AFF1: variants seen among roughly 807,000 people sequenced by gnomAD.
The protein encoded by AFF1 is ALF transcription elongation factor 1, also known as AF4/FMR2 family member 1.
A neutral mutation model predicts 121.7 loss-of-function variants in AFF1; 48 were observed. That is an observed-to-expected ratio of 0.39 (90% CI 0.31 to 0.50). The LOEUF is 0.50. Among genes scored for constraint, AFF1 ranks in the 20% least tolerant of loss-of-function variants. The pLI is 0.76. For missense variants in AFF1, 1,523 were observed against 1,511.7 expected, an observed-to-expected ratio of 1.01 and a Z score of -0.12; for synonymous variants, 613 against 563.0, an observed-to-expected ratio of 1.09 and a Z score of -1.26.
chr4:87,051,415 CTTTTTTT>C (rs5860052), intron 4 of AFF1, among the ~76,000 whole-genome samples: 1 of 141,726 alleles, frequency 7.1e-6, no homozygotes, highest in Non-Finnish European at 1.5e-5. Context: ...TTTCCTTTTT[CTTTTTTT>C]TTTTTTTAAC....
intron 1 of AFF1, among the ~76,000 whole-genome samples, chr4:86,938,056 T>C (rs1458816267): frequency 2.6e-5 from 4 of 152,248 alleles, no homozygotes; most frequent in Non-Finnish European, 1.5e-5. Context: ...TGTTCAACTC[T>C]GTAATTTGTG....
At chr4:86,982,004 A>G (rs926842810) in intron 2 of AFF1, among the ~76,000 whole-genome samples, 1 of 152,242 alleles carries the variant, frequency 6.6e-6, no homozygotes, top group Admixed American at 6.5e-5. Flanking sequence ...ACAGAGATCA[A>G]AGCACGGGAA....
At chr4:86,952,914 C>A (rs1289008533) in intron 2 of AFF1, among the ~76,000 whole-genome samples, 1 of 151,600 alleles carries the variant, frequency 6.6e-6, no homozygotes, top group East Asian at 1.9e-4. Flanking sequence ...ACCATATTGT[C>A]CAGGCTGGTC....
intron 2 of AFF1, among the ~76,000 whole-genome samples, chr4:86,960,120 A>G (rs936695943): frequency 3.3e-5 from 5 of 152,130 alleles, no homozygotes; most frequent in African/African-American, 9.7e-5. Context: ...TTTTTTAATT[A>G]AAGGAAAACA....
intron 2 of AFF1, among the ~76,000 whole-genome samples, chr4:86,950,389 C>T (rs1051393333): frequency 6.6e-6 from 1 of 152,116 alleles, no homozygotes; most frequent in African/African-American, 2.4e-5. Flanking sequence ...AGGCTGGCCC[C>T]GAATTCCTAA....
chr4:86,989,593 C>T (rs548992922), intron 2 of AFF1, among the ~76,000 whole-genome samples: 5 of 152,306 alleles, frequency 3.3e-5, no homozygotes, highest in Non-Finnish European at 5.9e-5. Flanking sequence ...TAAATTAGTT[C>T]AACCATTGTG....
chr4:87,001,204 CTACTTTTTT>C (rs1725686283), intron 2 of AFF1, among the ~76,000 whole-genome samples: 1 of 66,444 alleles, frequency 1.5e-5, no homozygotes, highest in African/African-American at 4.7e-5. Context: ...TTTCCTTTTT[CTACTTTTTT>C]TTTTTTTTTT....
At chr4:87,046,393 A>G (rs111819068) in intron 3 of AFF1, 107 bp downstream of exon 3, 1 of 1,399,122 alleles carries the variant, frequency 7.1e-7, no homozygotes, top group Non-Finnish European at 9.7e-7. Context: ...CAGCTGTGAA[A>G]ATAAGATAAC....
intron 4 of AFF1, among the ~76,000 whole-genome samples, chr4:87,061,911 C>CT (rs551471113): frequency 1.3e-5 from 2 of 152,204 alleles, no homozygotes; most frequent in South Asian, 4.2e-4. Context: ...ATAAACTTTG[C>CT]TTTTTTTGAC....
chr4:87,007,289 C>T, intron 2 of AFF1: 2 of 1,562,152 alleles, frequency 1.3e-6, no homozygotes, highest in Admixed American at 1.9e-5. Flanking sequence ...AACATCGGGG[C>T]GCCGCGCCGG....
chr4:87,007,708 G>A (rs558263094), intron 2 of AFF1, among the ~76,000 whole-genome samples: 23 of 152,306 alleles, frequency 1.5e-4, no homozygotes, highest in Admixed American at 1.0e-3. Flanking sequence ...GGGACATTAA[G>A]TTGATTTCAC....
chr4:87,065,112 G>A (rs982860685), intron 4 of AFF1, among the ~76,000 whole-genome samples: 1 of 152,148 alleles, frequency 6.6e-6, no homozygotes, highest in Non-Finnish European at 1.5e-5. Context: ...CTTTCACACT[G>A]CTGATAAAGA....
intron 2 of AFF1, among the ~76,000 whole-genome samples, chr4:86,969,704 C>T (rs1315873478): frequency 1.3e-5 from 2 of 151,122 alleles, no homozygotes; most frequent in Non-Finnish European, 3.0e-5. Flanking sequence ...CACGGTGAAA[C>T]CCCGTCTCTA....
chr4:87,020,122 G>A (rs976517106), intron 2 of AFF1, among the ~76,000 whole-genome samples: 10 of 152,296 alleles, frequency 6.6e-5, no homozygotes, highest in Admixed American at 1.3e-4. Flanking sequence ...ACTACTGTAG[G>A]AACTGAAAGT....
At chr4:87,002,428 T>G (rs1725798820) in intron 2 of AFF1, among the ~76,000 whole-genome samples, 1 of 127,100 alleles carries the variant, frequency 7.9e-6, no homozygotes, top group South Asian at 2.7e-4. Context: ...CAATGAAGTT[T>G]TTTTTTTTTT....
intron 16 of AFF1, 55 bp downstream of exon 16, chr4:87,127,758 TTTTTG>T: frequency 6.4e-7 from 1 of 1,562,632 alleles, no homozygotes; most frequent in Non-Finnish European, 8.8e-7. Flanking sequence ...GTAAAAAAAA[TTTTTG>T]GTAGTCTCCA....
At position 87,114,510 on chromosome 4, in the gene AFF1, G is replaced by T. The variant is rs146182456; in HGVS notation, c.1677G>T (p.Thr559=). Reference sequence around the variant, plus strand: ...GTAAGGGCAGCAGCGACAGTGCCACGAGTCAGGAGCATTCTGAATCCAAAG... The same window carrying T: ...GTAAGGGCAGCAGCGACAGTGCCACTAGTCAGGAGCATTCTGAATCCAAAG... The part of the protein sequence containing the change: ...PESKGSSDSA[T]SQEHSESKDP... Residue 559 remains threonine, a synonymous_variant, in exon 12 of 21, where the codon ACG becomes ACT. Coordinates refer to ENST00000395146, the MANE Select transcript of AFF1 (RefSeq NM_001166693.3). 16 of 1,613,496 alleles carry T rather than the reference G, an allele frequency of 9.9e-6. No individual in the cohort carries two copies. The highest frequency in any genetic ancestry group is 1.4e-5 in the Non-Finnish European group (16 of 1,179,936).
intron 2 of AFF1, among the ~76,000 whole-genome samples, chr4:86,969,210 G>A (rs1248229435): frequency 6.6e-6 from 1 of 152,080 alleles, no homozygotes; most frequent in Admixed American, 6.5e-5. Flanking sequence ...CAGGCGTGGT[G>A]GCTCACGCCT....
chr4:87,055,558 A>G (rs1014062708), intron 4 of AFF1, among the ~76,000 whole-genome samples: 3 of 151,800 alleles, frequency 2.0e-5, no homozygotes, highest in African/African-American at 4.8e-5. Context: ...TAGACATTCA[A>G]CTCTTTTGAA....
Sources: gnomAD v4.1 joint callset for allele counts (sites outside exome capture counted in the v4.1 genomes callset) on GRCh38, gnomAD v4.1.1 for gene constraint, MANE v1.5 for transcripts, NCBI Gene and HGNC (gene_info 2026-07-23, HGNC 2026-07-21) for gene names.